DMKN: variants seen among roughly 807,000 people sequenced by gnomAD.
DMKN encodes epidermis-specific secreted protein SK30/SK89.
In DMKN, 58 loss-of-function variants were observed where a neutral mutation model predicts 67.6. The ratio of observed to expected loss-of-function variants is 0.86; its 90% confidence interval spans 0.69 to 1.07. The LOEUF is 1.07. DMKN is among the 50% of genes least tolerant of loss of function. The probability of loss-of-function intolerance (pLI) is 0.00; values close to 1 mark genes in which losing one functional copy is unlikely to be tolerated. For synonymous variants in DMKN, 240 were observed against 232.3 expected, an observed-to-expected ratio of 1.03 and a Z score of -0.30; for missense variants, 596 against 601.5, an observed-to-expected ratio of 0.99 and a Z score of 0.10.
chr19:35,510,251 C>A lies in DMKN; in HGVS notation c.920G>T (p.Gly307Val). 1.2e-6 allele frequency: 2 copies of A among 1,602,352 alleles called. No individual in the cohort carries two copies. Among genetic ancestry groups the A allele is most frequent in the South Asian group, 1.1e-5 (1 of 88,680 alleles). Residue 307 changes from glycine to valine, a missense_variant and splice_region_variant, in exon 6 of 16, where the codon GGA becomes GTA. By Grantham distance (109) the Gly-to-Val change is moderately radical (BLOSUM62 -3). Coordinates refer to ENST00000339686, the MANE Select transcript of DMKN (RefSeq NM_033317.5). The part of the protein sequence containing the change: ...RGDSGSESSW[G>V]SSTGSSSGNH... ...GCCGGAGGAGGAGCCGGTGCTGGAT[C>A]CCTGCAGGGGAAAGCAAGATTTCAA... is the stretch of plus-strand genomic sequence containing the variant.
In DMKN at chr19:35,505,752, T is replaced by A. The variant is rs1428291605; in HGVS notation, c.1100A>T (p.Lys367Met). ...FDTFWKNFKS[K>M]LGFINWDAIN... ...GGCATCCCAGTTGATGAAACCCAGCTTGGATTTAAAATTCTATGGAGGAAA... is the reference window on the plus strand; with the variant it reads ...GGCATCCCAGTTGATGAAACCCAGCATGGATTTAAAATTCTATGGAGGAAA... Residue 367 changes from lysine (K) to methionine (M), a missense_variant, in exon 9 of 16, where the codon AAG (lysine) becomes ATG (methionine). Physicochemically the swap from Lys to Met is moderately conservative, Grantham distance 95. Coordinates refer to ENST00000339686, the MANE Select transcript of DMKN (RefSeq NM_033317.5). The A allele has an allele frequency of 3.7e-6, 6 of 1,614,154 alleles. No homozygotes were observed. Among genetic ancestry groups the A allele is most frequent in the Non-Finnish European group, 5.1e-6 (6 of 1,180,034 alleles).
intron 5 of DMKN, 48 bp from the exon 6 acceptor site, chr19:35,510,300 G>A (rs1304488979): frequency 1.3e-6 from 2 of 1,564,224 alleles, no homozygotes; most frequent in East Asian, 4.8e-5. Context: ...GGACCTAAAG[G>A]GGACCCAGTC....
At chr19:35,503,067 AG>A (rs2068705657) in intron 9 of DMKN, among the ~76,000 whole-genome samples, 181 bp from the exon 10 acceptor site, 1 of 152,094 alleles carries the variant, frequency 6.6e-6, no homozygotes. Flanking sequence ...GGAGAGAGAG[AG>A]GCACTAACCA....
chr19:35,506,468 G>C (rs1424507461), intron 7 of DMKN: 1 of 606,940 alleles, frequency 1.6e-6, no homozygotes, highest in Non-Finnish European at 3.1e-6. Context: ...AAGCAAATGA[G>C]ATTAGCTAAC....
At chr19:35,505,273 G>A (rs763592004) in intron 9 of DMKN, among the ~76,000 whole-genome samples, 3 of 152,138 alleles carry the variant, frequency 2.0e-5, no homozygotes, top group African/African-American at 7.2e-5. Context: ...CTGTGTTTTT[G>A]TTTGTGCGGG....
chr19:35,510,427 T>A (rs2070539816), intron 5 of DMKN, 175 bp from the exon 6 acceptor site: 1 of 1,552,158 alleles, frequency 6.4e-7, no homozygotes, highest in Admixed American at 2.0e-5. Context: ...ATTCCGAGCA[T>A]GGAGAAGGCC....
chr19:35,501,175 T>C (rs1755412207), intron 11 of DMKN, among the ~76,000 whole-genome samples: 2 of 152,278 alleles, frequency 1.3e-5, no homozygotes, highest in Admixed American at 6.5e-5. Flanking sequence ...GTTCAGTTCC[T>C]GCCATCACGG....
chr19:35,508,245 A>C (rs1465160500), intron 7 of DMKN: 17 of 1,552,206 alleles, frequency 1.1e-5, no homozygotes, highest in Non-Finnish European at 1.5e-5. Context: ...GAAGCCCTGC[A>C]GGGTGAGACA....
At chr19:35,512,538 G>A in intron 2 of DMKN, 52 bp downstream of exon 2, 1 of 1,614,086 alleles carries the variant, frequency 6.2e-7, no homozygotes, top group Admixed American at 1.7e-5. Context: ...CGCGGAGCAT[G>A]TGGGCTTGGA....
chr19:35,502,170 TTC>T lies in DMKN; in HGVS notation c.1203_1204del (p.Asn402HisfsTer11). 1 of 1,614,084 alleles carries T rather than the reference TTC, an allele frequency of 6.2e-7. No individual in the cohort carries two copies. The highest frequency in any genetic ancestry group is 1.3e-5 in the African/African-American group (1 of 75,012). On this transcript the variant is annotated frameshift_variant, in exon 11 of 16. Coordinates refer to ENST00000339686, the MANE Select transcript of DMKN (RefSeq NM_033317.5). LOFTEE classifies it high-confidence loss of function. ...TGCTTTCCAGTTGAGGAAAGGAGTG[TTC>T]TGTTTGAAATCCTGCAGGGAGAAGG...
At chr19:35,512,287 C>T (rs926563478) in intron 3 of DMKN, 134 bp downstream of exon 3, 9 of 1,259,678 alleles carry the variant, frequency 7.1e-6, no homozygotes, top group Non-Finnish European at 8.7e-6. Flanking sequence ...TGTGAGCCAC[C>T]TCGCCCAGCC....
intron 13 of DMKN, among the ~76,000 whole-genome samples, chr19:35,499,559 C>G (rs2068005063): frequency 1.3e-5 from 2 of 152,158 alleles, no homozygotes; most frequent in African/African-American, 4.8e-5. Flanking sequence ...GTCTGCTTTC[C>G]TCGCCCTCCA....
At position 35,498,648 on chromosome 19, in the gene DMKN, G is replaced by A. The variant is rs1429205802; in HGVS notation, c.*68C>T. 3.1e-6 allele frequency: 5 copies of A among 1,602,958 alleles called. No homozygotes were observed. In the Admixed American group the frequency reaches 6.8e-5, roughly 22 times the overall value. On this transcript the variant is annotated intron_variant, in intron 15 of 15. Transcript: ENST00000339686. ...GATCTGAGGATATACCAAGATCCTG[G>A]CCCTGCCCCGGGTGACTGTGCCTCC...
chr19:35,508,076 C>T (rs1056738730), intron 7 of DMKN: 3 of 1,255,706 alleles, frequency 2.4e-6, no homozygotes, highest in Admixed American at 4.4e-5. Flanking sequence ...CTTCCTCGTT[C>T]CCAGAGCTCT....
rs546540462 is a variant in DMKN at position 35,500,050 on chromosome 19, G to A, written c.1288-21C>T. 89 of 1,614,082 alleles carry A rather than the reference G, an allele frequency of 5.5e-5. No individual in the cohort carries two copies. The South Asian group carries it at 9.4e-4, about 17-fold the overall frequency. ...TAGTTCTGTGGAAGAAGTGGGCATG[G>A]CGGTTAGAACAGACGGACGAAGGCC... On this transcript the variant is annotated intron_variant, in intron 12 of 15. Transcript: ENST00000339686.
chr19:35,509,062 C>CAA (rs200342563), intron 7 of DMKN, among the ~76,000 whole-genome samples: 3 of 150,722 alleles, frequency 2.0e-5, no homozygotes, highest in Non-Finnish European at 4.4e-5. Context: ...ACTAAAAATA[C>CAA]AAAAAAAAAT....
intron 10 of DMKN, among the ~76,000 whole-genome samples, chr19:35,502,544 C>CA (rs796850013): frequency 1.3e-4 from 19 of 146,826 alleles, no homozygotes; most frequent in Middle Eastern, 3.5e-3. Context: ...ACTAAAAATA[C>CA]AAAAAAAAAA....
chr19:35,511,885 G>A, intron 3 of DMKN, 72 bp from the exon 4 acceptor site: 1 of 1,489,808 alleles, frequency 6.7e-7, no homozygotes, highest in East Asian at 2.4e-5. Flanking sequence ...ATGGACACAG[G>A]CCAGGCCTCT....
In DMKN at chr19:35,512,574, C is replaced by T; in HGVS notation, c.627+16G>A. On this transcript the variant is annotated intron_variant, in intron 2 of 15. Transcript: ENST00000339686. ...GGGAGGGAGGTGGCAGGTAGCAGGT[C>T]TGGGGGTGACTTTACCTGAGTGTTG... is the stretch of plus-strand genomic sequence containing the variant. The T allele has an allele frequency of 6.2e-7, 1 of 1,614,080 alleles. No homozygotes were observed. Among genetic ancestry groups the T allele is most frequent in the Non-Finnish European group, 8.5e-7 (1 of 1,179,984 alleles).
Sources: gnomAD v4.1 joint callset for allele counts (sites outside exome capture counted in the v4.1 genomes callset) on GRCh38, gnomAD v4.1.1 for gene constraint, MANE v1.5 for transcripts, NCBI Gene and HGNC (gene_info 2026-07-23, HGNC 2026-07-21) for gene names.